TBC1D4: variants seen among roughly 807,000 people sequenced by gnomAD.
The protein encoded by TBC1D4 is TBC1 domain family member 4.
Under a neutral mutation model 142.5 loss-of-function variants are expected in TBC1D4, and 121 were observed. The observed-to-expected ratio is 0.85, with a 90% CI of 0.73 to 0.99. The LOEUF is 0.99. TBC1D4 is among the 50% of genes least tolerant of loss of function. The probability of loss-of-function intolerance (pLI) is 0.00; values close to 1 mark genes in which losing one functional copy is unlikely to be tolerated. For missense variants in TBC1D4, 1,475 were observed against 1,606.6 expected (o/e 0.92, Z 1.40); for synonymous variants, 630 against 628.2 (o/e 1.00, Z -0.04).
intron 1 of TBC1D4, among the ~76,000 whole-genome samples, chr13:75,380,163 G>A (rs1316221973): frequency 6.6e-6 from 1 of 151,120 alleles, no homozygotes; most frequent in Non-Finnish European, 1.5e-5. Flanking sequence ...ACAGGCGTGA[G>A]CCACCGCGCC....
chr13:75,418,351 T>C (rs1186860651), intron 1 of TBC1D4, among the ~76,000 whole-genome samples: 2 of 152,204 alleles, frequency 1.3e-5, no homozygotes, highest in Non-Finnish European at 2.9e-5. Flanking sequence ...GGAGGGATAA[T>C]TACTTTTCCT....
At chr13:75,454,775 T>G (rs1451031369) in intron 1 of TBC1D4, among the ~76,000 whole-genome samples, 1 of 152,230 alleles carries the variant, frequency 6.6e-6, no homozygotes, top group Non-Finnish European at 1.5e-5. Context: ...AAATCCCCAG[T>G]CCTTTTTCCC....
chr13:75,396,764 A>T (rs898155035), intron 1 of TBC1D4, among the ~76,000 whole-genome samples: 3 of 152,160 alleles, frequency 2.0e-5, no homozygotes, highest in Non-Finnish European at 4.4e-5. Flanking sequence ...TACACCCTTA[A>T]ATGTATTTAC....
At chr13:75,297,464 A>G (rs1321841474) in intron 17 of TBC1D4, among the ~76,000 whole-genome samples, 1 of 152,110 alleles carries the variant, frequency 6.6e-6, no homozygotes, top group Non-Finnish European at 1.5e-5. Flanking sequence ...TGATATTAAG[A>G]TACAGGTGAC....
chr13:75,295,856 T>C (rs553941038), intron 17 of TBC1D4, among the ~76,000 whole-genome samples: 2 of 152,336 alleles, frequency 1.3e-5, no homozygotes, highest in African/African-American at 4.8e-5. Context: ...TATATTGGCT[T>C]GATATTTTGG....
intron 1 of TBC1D4, among the ~76,000 whole-genome samples, chr13:75,458,870 G>C (rs1243389080): frequency 6.6e-6 from 1 of 152,068 alleles, no homozygotes; most frequent in African/African-American, 2.4e-5. Context: ...AACTGATACT[G>C]TCTCTGCTTG....
intron 1 of TBC1D4, among the ~76,000 whole-genome samples, chr13:75,479,935 G>A (rs1888763177): frequency 6.6e-6 from 1 of 152,028 alleles, no homozygotes; most frequent in Non-Finnish European, 1.5e-5. Context: ...GGGAGGCTGA[G>A]GCACGAGAAT....
intron 1 of TBC1D4, among the ~76,000 whole-genome samples, chr13:75,426,621 C>G (rs74567491): frequency 0.043 from 6,563 of 152,258 alleles, 173 homozygotes; most frequent in Non-Finnish European, 0.048. Flanking sequence ...GAGCAAATAC[C>G]TACACAGGTT....
intron 1 of TBC1D4, among the ~76,000 whole-genome samples, chr13:75,381,885 T>G (rs1438326152): frequency 1.3e-5 from 2 of 152,154 alleles, no homozygotes; most frequent in Non-Finnish European, 2.9e-5. Flanking sequence ...GGCCACATGT[T>G]TACAGTACCA....
Position 75,481,460 on chromosome 13 carries a change from C to A in TBC1D4, c.308G>T (p.Gly103Val). The A allele has an allele frequency of 1.2e-6, 2 of 1,613,718 alleles. No homozygotes were observed. The highest frequency in any genetic ancestry group is 1.7e-6 in the Non-Finnish European group (2 of 1,179,740). ...CVPAPGAGASGGTSPSATQPN... is the reference protein window; with the variant it reads ...CVPAPGAGASVGTSPSATQPN... The stretch of plus-strand genomic sequence containing the variant: ...CTGCGTGGCCGACGGACTAGTGCCC[C>A]CCGAGGCCCCAGCGCCCGGCGCGGG... The change falls in exon 1 of 21, where the codon GGG becomes GTG. Residue 103 changes from glycine (G) to valine (V), a missense_variant. Physicochemically the swap from Gly to Val is moderately radical, Grantham distance 109 (BLOSUM62 -3). Transcript: ENST00000377636.
chr13:75,356,800 A>G (rs1465904222), intron 3 of TBC1D4, among the ~76,000 whole-genome samples: 1 of 152,198 alleles, frequency 6.6e-6, no homozygotes, highest in African/African-American at 2.4e-5. Context: ...CCAATTATCC[A>G]CAGTGACAAA....
chr13:75,326,913 G>A (rs769839899), intron 9 of TBC1D4, among the ~76,000 whole-genome samples: 13 of 152,188 alleles, frequency 8.5e-5, no homozygotes, highest in South Asian at 2.1e-4. Flanking sequence ...ATGCCTAAGT[G>A]TCCAAGTCTC....
intron 1 of TBC1D4, among the ~76,000 whole-genome samples, chr13:75,433,586 G>A (rs1342624024): frequency 6.6e-6 from 1 of 152,136 alleles, no homozygotes; most frequent in Non-Finnish European, 1.5e-5. Context: ...CTGCAAGAGA[G>A]GCAGCCCTTT....
At chr13:75,369,131 G>A (rs1053254730) in intron 1 of TBC1D4, among the ~76,000 whole-genome samples, 7 of 152,136 alleles carry the variant, frequency 4.6e-5, no homozygotes, top group Non-Finnish European at 7.4e-5. Context: ...GACAGAAGAT[G>A]GCATGCTTGG....
At chr13:75,409,629 A>C (rs1885506391) in intron 1 of TBC1D4, among the ~76,000 whole-genome samples, 1 of 152,206 alleles carries the variant, frequency 6.6e-6, no homozygotes, top group Admixed American at 6.5e-5. Context: ...CCCTTGGTGA[A>C]ACTTCACAGT....
At position 75,291,427 on chromosome 13, in the gene TBC1D4, T is replaced by C. The variant is rs564346912; in HGVS notation, c.3486+675A>G. 1.5e-4 allele frequency among the ~76,000 whole-genome samples: 23 copies of C among 152,314 alleles called. No homozygotes were observed. The South Asian group carries it at 4.8e-3, about 32-fold the overall frequency. On this transcript the variant is annotated intron_variant, in intron 19 of 20. Coordinates refer to ENST00000377636, the MANE Select transcript of TBC1D4 (RefSeq NM_014832.5). ...AGCAGGGGTTTGAACAGCTTCCCTA[T>C]GTTACTAGTTCCTTCGCACCTGGAC... is the stretch of plus-strand genomic sequence containing the variant.
chr13:75,459,032 C>G (rs1298006499), intron 1 of TBC1D4, among the ~76,000 whole-genome samples: 1 of 152,152 alleles, frequency 6.6e-6, no homozygotes, highest in Non-Finnish European at 1.5e-5. Flanking sequence ...CAATCTGGCT[C>G]TACTGCAATT....
At chr13:75,409,478 C>T (rs540435224) in intron 1 of TBC1D4, among the ~76,000 whole-genome samples, 1 of 152,330 alleles carries the variant, frequency 6.6e-6, no homozygotes, top group African/African-American at 2.4e-5. Flanking sequence ...ACATTCCATT[C>T]CTTCCCAATG....
intron 1 of TBC1D4, among the ~76,000 whole-genome samples, chr13:75,459,588 C>T (rs546554606): frequency 1.3e-5 from 2 of 152,208 alleles, no homozygotes; most frequent in African/African-American, 4.8e-5. Context: ...TTTTACCTAG[C>T]TCTCTATTAA....
Sources: allele counts gnomAD v4.1 joint callset (sites outside exome capture counted in the v4.1 genomes callset), GRCh38; gene constraint gnomAD v4.1.1; transcripts MANE v1.5; gene names NCBI Gene and HGNC (gene_info 2026-07-23, HGNC 2026-07-21).